Variants in BNC2 observed in about 807,000 individuals in gnomAD.
The protein encoded by BNC2 is basonuclin zinc finger protein 2.
Under a neutral mutation model 76.3 loss-of-function variants are expected in BNC2, and 20 were observed. The ratio of observed to expected loss-of-function variants is 0.26; its 90% CI spans 0.18 to 0.38. BNC2 has a LOEUF of 0.38. Ranked by LOEUF, BNC2 falls within the 10% of genes least tolerant of loss-of-function variation. The pLI is 1.00. For missense variants in BNC2, 1,382 were observed against 1,399.8 expected, an observed-to-expected ratio of 0.99 and a Z score of 0.20; for synonymous variants, 582 against 514.8, an observed-to-expected ratio of 1.13 and a Z score of -1.77.
intron 5 of BNC2, among the ~76,000 whole-genome samples, chr9:16,511,668 A>C (rs1822759727): frequency 6.6e-6 from 1 of 152,026 alleles, no homozygotes; most frequent in South Asian, 2.1e-4. Flanking sequence ...AGCTCAAGGA[A>C]TCCATGGGCC....
intron 6 of BNC2, among the ~76,000 whole-genome samples, chr9:16,420,431 T>G (rs1820686154): frequency 6.6e-6 from 1 of 151,752 alleles, no homozygotes; most frequent in South Asian, 2.1e-4. Flanking sequence ...ATTTAATTCT[T>G]TAAGACAAAA....
chr9:16,816,233 G>T (rs1162513956), intron 1 of BNC2, among the ~76,000 whole-genome samples: 1 of 152,086 alleles, frequency 6.6e-6, no homozygotes, highest in Non-Finnish European at 1.5e-5. Context: ...CCCGTGTTTG[G>T]ACAATACTTA....
At chr9:16,452,622 C>G (rs1458967599) in intron 5 of BNC2, among the ~76,000 whole-genome samples, 1 of 152,080 alleles carries the variant, frequency 6.6e-6, no homozygotes, top group Non-Finnish European at 1.5e-5. Context: ...GTTGACCAGG[C>G]TGGTCTTGAA....
chr9:16,472,191 A>G (rs780956531), intron 5 of BNC2, among the ~76,000 whole-genome samples: 1 of 152,214 alleles, frequency 6.6e-6, no homozygotes, highest in African/African-American at 2.4e-5. Context: ...ATTGTCCTGT[A>G]GTAACACAAA....
chr9:16,555,002 A>G (rs1438475385), intron 4 of BNC2, among the ~76,000 whole-genome samples: 1 of 151,948 alleles, frequency 6.6e-6, no homozygotes, highest in Non-Finnish European at 1.5e-5. Context: ...CCCACTCATT[A>G]AAAAAGGTTG....
intron 3 of BNC2, among the ~76,000 whole-genome samples, chr9:16,586,666 C>G (rs1485206565): frequency 2.0e-5 from 3 of 152,150 alleles, no homozygotes; most frequent in Non-Finnish European, 4.4e-5. Flanking sequence ...GCTCTTCATT[C>G]TTTAATTTGG....
intron 5 of BNC2, among the ~76,000 whole-genome samples, chr9:16,461,852 C>G (rs1231589836): frequency 6.6e-6 from 1 of 152,182 alleles, no homozygotes; most frequent in Admixed American, 6.5e-5. Flanking sequence ...CTTGCACCTG[C>G]CACTGAGCTG....
chr9:16,869,118 G>A (rs183596188), intron 1 of BNC2, among the ~76,000 whole-genome samples: 1 of 152,022 alleles, frequency 6.6e-6, no homozygotes, highest in Admixed American at 6.5e-5. Context: ...TAAAACGCCC[G>A]TTAGAAGAAA....
chr9:16,857,854 C>A lies in BNC2; in HGVS notation c.3+12792G>T, dbSNP rs78907855. On this transcript the variant is annotated intron_variant, in intron 1 of 6. Transcript: ENST00000380672. ...AGCATGAATAAAGAGAAAATTAGAA[C>A]TGTAAGGGAATGAATATTTCTTTTA... Among the ~76,000 whole-genome samples, 238 of 152,218 alleles carry A rather than the reference C, an allele frequency of 1.6e-3. 2 individuals carry two copies. The East Asian group carries it at 0.024, about 15-fold the overall frequency.
At position 16,418,861 on chromosome 9, in the gene BNC2, G is replaced by C; in HGVS notation, c.*128C>G. On this transcript the variant is annotated 3_prime_UTR_variant, in exon 7 of 7. Transcript: ENST00000380672. Reference sequence around the variant, plus strand: ...ACGTGTGTGTATATGTAGCCACAGAGCATACATAAATGCACACACACACAC... The same window carrying C: ...ACGTGTGTGTATATGTAGCCACAGACCATACATAAATGCACACACACACAC... 2 of 835,962 alleles carry C rather than the reference G, an allele frequency of 2.4e-6. No individual in the cohort carries two copies. The highest frequency in any genetic ancestry group is 2.4e-5 in the Admixed American group (1 of 41,556). The allele number at this position is 835,962 out of a possible 1,614,324, so 51.8% of individuals were successfully genotyped here.
intron 3 of BNC2, among the ~76,000 whole-genome samples, chr9:16,706,631 A>G (rs1166556837): frequency 3.3e-5 from 5 of 152,232 alleles, no homozygotes; most frequent in Non-Finnish European, 7.3e-5. Flanking sequence ...AGTAGCTGGA[A>G]TTAGTCTTAA....
At chr9:16,835,628 G>T (rs533880862) in intron 1 of BNC2, among the ~76,000 whole-genome samples, 81 of 152,298 alleles carry the variant, frequency 5.3e-4, no homozygotes, top group African/African-American at 1.1e-3. Flanking sequence ...CTTGAACCTG[G>T]GAGGCGGAGG....
chr9:16,602,568 G>A (rs961399729), intron 3 of BNC2, among the ~76,000 whole-genome samples: 2 of 152,180 alleles, frequency 1.3e-5, no homozygotes, highest in African/African-American at 4.8e-5. Context: ...TACCCCCTCA[G>A]TGCTCCCCAC....
intron 3 of BNC2, among the ~76,000 whole-genome samples, chr9:16,708,977 A>G (rs1288478196): frequency 6.6e-6 from 1 of 152,200 alleles, no homozygotes; most frequent in African/African-American, 2.4e-5. Flanking sequence ...GCTTCACCCT[A>G]TACACTTGGA....
At chr9:16,462,891 T>C (rs1003773084) in intron 5 of BNC2, among the ~76,000 whole-genome samples, 2 of 152,206 alleles carry the variant, frequency 1.3e-5, no homozygotes, top group African/African-American at 4.8e-5. Flanking sequence ...AGCTGAAGTT[T>C]CTTCCCTTCA....
At chr9:16,630,412 C>A (rs1360890784) in intron 3 of BNC2, among the ~76,000 whole-genome samples, 1 of 152,080 alleles carries the variant, frequency 6.6e-6, no homozygotes. Context: ...AAGATAGTTA[C>A]AAAATGTTGA....
At chr9:16,516,433 C>T (rs1817442548) in intron 5 of BNC2, among the ~76,000 whole-genome samples, 1 of 151,926 alleles carries the variant, frequency 6.6e-6, no homozygotes, top group South Asian at 2.1e-4. Flanking sequence ...AACAGTTATG[C>T]AGCTGTCAAG....
rs59536317 is a variant in BNC2, at chr9:16,492,721, A to ATT, written c.670-55199_670-55198dup. Reference sequence around the variant, plus strand: ...CTTCGAGGGTGGTAAAGGCCTGCCCATTTTTTTTTTTTTTTCTGTATAGCT... The same window carrying ATT: ...CTTCGAGGGTGGTAAAGGCCTGCCCATTTTTTTTTTTTTTTTTCTGTATAGCT... On this transcript the variant is annotated intron_variant, in intron 5 of 6. Transcript: ENST00000380672. 5.3e-3 allele frequency among the ~76,000 whole-genome samples: 743 copies of ATT among 140,238 alleles called. 6 individuals carry two copies. The highest frequency in any genetic ancestry group is 7.7e-3 in the Non-Finnish European group (496 of 64,350). The allele number at this position is 140,238 out of a possible 152,430, so 92.0% of individuals were successfully genotyped here. A position where few individuals can be genotyped will look rare whatever the true frequency, so the allele number is the denominator to read the frequency against.
intron 3 of BNC2, among the ~76,000 whole-genome samples, chr9:16,669,003 C>A (rs901955624): frequency 6.6e-6 from 1 of 152,122 alleles, no homozygotes; most frequent in Non-Finnish European, 1.5e-5. Flanking sequence ...CCCCACCCCC[C>A]TCAAGACACA....
Sources: gnomAD v4.1 joint callset for allele counts (sites outside exome capture counted in the v4.1 genomes callset) on GRCh38, gnomAD v4.1.1 for gene constraint, MANE v1.5 for transcripts, NCBI Gene and HGNC (gene_info 2026-07-23, HGNC 2026-07-21) for gene names.